MEIKIN: variants seen among roughly 807,000 people sequenced by gnomAD.
The protein encoded by MEIKIN is meiotic kinetochore factor, also known as meiosis-specific kinetochore protein.
At chr5:131,939,833 C>A (rs116806321) in intron 4 of MEIKIN, among the ~76,000 whole-genome samples, 235 of 152,232 alleles carry the variant, frequency 1.5e-3, no homozygotes, top group African/African-American at 5.5e-3. Flanking sequence ...CTTGATAAAC[C>A]TAGTAATCAA....
Position 131,837,058 on chromosome 5 carries a change from G to A in MEIKIN, c.975+14206C>T, listed in dbSNP as rs146177983. On this transcript the variant is annotated intron_variant, in intron 11 of 12. Coordinates refer to ENST00000442687, the MANE Select transcript of MEIKIN (RefSeq NM_001303622.2). ...AGTTGATTTTTACACATGGTGTAAG[G>A]AAGGGGTTCATTTTCAATCTTCTGC... Among the ~76,000 whole-genome samples, 128 of 152,274 alleles carry A rather than the reference G, an allele frequency of 8.4e-4. 1 individual carries two copies. In the South Asian group the frequency reaches 0.021, roughly 25 times the overall value.
At chr5:131,879,710 A>G (rs1750672838) in intron 8 of MEIKIN, among the ~76,000 whole-genome samples, 1 of 152,154 alleles carries the variant, frequency 6.6e-6, no homozygotes, top group Non-Finnish European at 1.5e-5. Context: ...ACTTCCACCA[A>G]TATCAGCAGA....
chr5:131,809,818 AC>A (rs780228803), intron 12 of MEIKIN, among the ~76,000 whole-genome samples: 1 of 107,460 alleles, frequency 9.3e-6, no homozygotes, highest in East Asian at 2.5e-4. Flanking sequence ...AAACAAACGA[AC>A]AAAAAAAAAA....
At chr5:131,872,211 G>A (rs1048731393) in intron 9 of MEIKIN, among the ~76,000 whole-genome samples, 1 of 150,278 alleles carries the variant, frequency 6.7e-6, no homozygotes, top group Non-Finnish European at 1.5e-5. Context: ...AGCTAAAGGA[G>A]GAAGTTCAAA....
At chr5:131,908,069 G>A (rs1200962408) in intron 8 of MEIKIN, among the ~76,000 whole-genome samples, 1 of 151,894 alleles carries the variant, frequency 6.6e-6, no homozygotes, top group Non-Finnish European at 1.5e-5. Context: ...AAGGAATACT[G>A]ACAAACTCAT....
chr5:131,823,881 A>G (rs1749563552), intron 11 of MEIKIN, among the ~76,000 whole-genome samples: 1 of 152,208 alleles, frequency 6.6e-6, no homozygotes, highest in African/African-American at 2.4e-5. Flanking sequence ...GCCAAGTAAC[A>G]CTGGTCTTTG....
rs181959646 is a variant in MEIKIN at position 131,883,026 on chromosome 5, G to A, written c.704-3978C>T. On this transcript the variant is annotated intron_variant, in intron 8 of 12. Transcript: ENST00000442687. The stretch of plus-strand genomic sequence containing the variant: ...TTAGTTACTGTTATTTCTATTTGAC[G>A]TTATATATTTATTTATCTGTTTATT... Among the ~76,000 whole-genome samples, 7 of 152,048 alleles carry A rather than the reference G, an allele frequency of 4.6e-5. No homozygotes were observed. In the South Asian group the frequency reaches 8.3e-4, roughly 18 times the overall value.
intron 8 of MEIKIN, among the ~76,000 whole-genome samples, chr5:131,909,080 T>C (rs1751291889): frequency 6.6e-6 from 1 of 152,220 alleles, no homozygotes; most frequent in Admixed American, 6.5e-5. Context: ...CTAAAATCTA[T>C]ATGGAACACA....
chr5:131,896,830 T>G (rs1199219575), intron 8 of MEIKIN, among the ~76,000 whole-genome samples: 1 of 152,248 alleles, frequency 6.6e-6, no homozygotes, highest in Non-Finnish European at 1.5e-5. Flanking sequence ...CTTGACTCTT[T>G]ATCCAATTTG....
At chr5:131,909,280 T>C (rs1751296273) in intron 8 of MEIKIN, among the ~76,000 whole-genome samples, 1 of 152,132 alleles carries the variant, frequency 6.6e-6, no homozygotes, top group African/African-American at 2.4e-5. Context: ...TACACCGAAC[T>C]CATTTTTTAC....
At chr5:131,832,674 A>T (rs144045192) in intron 11 of MEIKIN, among the ~76,000 whole-genome samples, 17 of 152,124 alleles carry the variant, frequency 1.1e-4, no homozygotes, top group African/African-American at 4.1e-4. Flanking sequence ...GCATTTCCAT[A>T]TATCTTTTTA....
chr5:131,872,686 C>A (rs1456903231), intron 9 of MEIKIN, among the ~76,000 whole-genome samples: 1 of 152,092 alleles, frequency 6.6e-6, no homozygotes, highest in African/African-American at 2.4e-5. Flanking sequence ...AACTCCAAGA[C>A]ACATAATTGT....
At chr5:131,912,886 C>T (rs1252731982) in intron 7 of MEIKIN, among the ~76,000 whole-genome samples, 1 of 152,174 alleles carries the variant, frequency 6.6e-6, no homozygotes, top group African/African-American at 2.4e-5. Context: ...GGAAGAGCAA[C>T]CACCATTGGT....
intron 9 of MEIKIN, among the ~76,000 whole-genome samples, chr5:131,866,634 C>T (rs2149622186): frequency 6.6e-6 from 1 of 152,248 alleles, no homozygotes; most frequent in African/African-American, 2.4e-5. Flanking sequence ...TGCACAGTTG[C>T]CCCTCTGTGG....
chr5:131,942,561 G>A, intron 4 of MEIKIN, 74 bp downstream of exon 4: 1 of 396,650 alleles, frequency 2.5e-6, no homozygotes, highest in Non-Finnish European at 4.5e-6. Flanking sequence ...AGGAAGATGG[G>A]GAGAGATACA....
At chr5:131,812,870 A>G (rs967845619) in intron 12 of MEIKIN, among the ~76,000 whole-genome samples, 1 of 151,688 alleles carries the variant, frequency 6.6e-6, no homozygotes, top group African/African-American at 2.4e-5. Flanking sequence ...TTCCATCCTC[A>G]GTGGAAAACT....
At chr5:131,874,978 T>C (rs1178050684) in intron 9 of MEIKIN, among the ~76,000 whole-genome samples, 1 of 152,192 alleles carries the variant, frequency 6.6e-6, no homozygotes, top group Admixed American at 6.5e-5. Flanking sequence ...AAATTAGGTA[T>C]TGATGGGACG....
chr5:131,914,821 T>C (rs188925017), intron 7 of MEIKIN, among the ~76,000 whole-genome samples: 113 of 151,940 alleles, frequency 7.4e-4, no homozygotes, highest in South Asian at 6.3e-3. Flanking sequence ...AAGCAGACAA[T>C]GGGAGCTGAC....
intron 12 of MEIKIN, among the ~76,000 whole-genome samples, chr5:131,810,589 T>C (rs1772934963): frequency 6.6e-6 from 1 of 152,242 alleles, no homozygotes; most frequent in South Asian, 2.1e-4. Flanking sequence ...TTGTGCTTAC[T>C]GGAATCACTT....
Sources: gnomAD v4.1 joint callset for allele counts (sites outside exome capture counted in the v4.1 genomes callset) on GRCh38, gnomAD v4.1.1 for gene constraint, MANE v1.5 for transcripts, NCBI Gene and HGNC (gene_info 2026-07-23, HGNC 2026-07-21) for gene names.